The following HTR1F variants were observed in gnomAD, a reference collection of about 807,000 sequenced individuals.
HTR1F encodes 5-hydroxytryptamine (serotonin) receptor 1F, G protein-coupled.
In HTR1F, 17 loss-of-function variants were observed where a neutral mutation model predicts 24.0. That is an observed-to-expected ratio of 0.71 (90% CI 0.48 to 1.06). The LOEUF (loss-of-function observed/expected upper bound fraction) is 1.06, where lower values mean the gene tolerates loss of function less well. Ranked by LOEUF, HTR1F falls within the 50% of genes least tolerant of loss-of-function variation. The pLI is 0.00. For missense variants in HTR1F, 391 were observed against 427.8 expected (o/e 0.91, Z 0.76); for synonymous variants, 186 against 156.8 (o/e 1.19, Z -1.39).
chr3:87,882,464 C>T (rs1705826050), intron 2 of HTR1F, among the ~76,000 whole-genome samples: 1 of 151,672 alleles, frequency 6.6e-6, no homozygotes, highest in Admixed American at 6.6e-5. Flanking sequence ...ACCCAAATGT[C>T]CAACAATGAT....
At chr3:87,794,395 T>C (rs188758793) in intron 1 of HTR1F, among the ~76,000 whole-genome samples, 49 of 152,320 alleles carry the variant, frequency 3.2e-4, no homozygotes, top group African/African-American at 1.2e-3. Flanking sequence ...GAGTATGTAT[T>C]CACTGTTTCC....
chr3:87,979,756 G>A (rs938261667), intron 2 of HTR1F, among the ~76,000 whole-genome samples: 2 of 152,226 alleles, frequency 1.3e-5, no homozygotes, highest in African/African-American at 2.4e-5. Context: ...GGGTGCATGA[G>A]CAAGTGAGCA....
At chr3:87,794,390 T>C (rs1703869583) in intron 1 of HTR1F, among the ~76,000 whole-genome samples, 1 of 152,232 alleles carries the variant, frequency 6.6e-6, no homozygotes, top group African/African-American at 2.4e-5. Flanking sequence ...AATGAGAGTA[T>C]GTATTCACTG....
intron 2 of HTR1F, among the ~76,000 whole-genome samples, chr3:87,893,971 A>G (rs1410759957): frequency 2.7e-5 from 4 of 150,270 alleles, no homozygotes; most frequent in Non-Finnish European, 5.9e-5. Flanking sequence ...TTGTTTACTC[A>G]TTTTTTTTCC....
At chr3:87,798,788 T>G (rs1177575340) in intron 1 of HTR1F, among the ~76,000 whole-genome samples, 1 of 152,204 alleles carries the variant, frequency 6.6e-6, no homozygotes, top group Non-Finnish European at 1.5e-5. Context: ...TGGACAAAGC[T>G]AACCATTAAT....
intron 2 of HTR1F, among the ~76,000 whole-genome samples, chr3:87,881,778 A>T (rs2107282186): frequency 6.6e-6 from 1 of 152,286 alleles, no homozygotes; most frequent in East Asian, 1.9e-4. Context: ...CCTAGGCAAT[A>T]CCATTCAGGA....
intron 2 of HTR1F, among the ~76,000 whole-genome samples, chr3:87,869,371 G>GGATA (rs1705495943): frequency 7.2e-6 from 1 of 139,562 alleles, no homozygotes; most frequent in African/African-American, 3.0e-5. Flanking sequence ...AGAACCAATA[G>GGATA]GATAGATAGA....
At chr3:87,906,520 AT>A (rs141559991) in intron 2 of HTR1F, among the ~76,000 whole-genome samples, 136 of 150,630 alleles carry the variant, frequency 9.0e-4, no homozygotes, top group South Asian at 3.4e-3. Flanking sequence ...GTTAATGAAA[AT>A]TTTTTTTTTA....
At position 87,991,313 on chromosome 3, in the gene HTR1F, A is replaced by G; in HGVS notation, c.564A>G (p.Gly188=). ...TTTCCACCATTTACTCAACATTTGG[A>G]GCTTTCTACATCCCACTGGCATTGA... The part of the protein sequence containing the change: ...HIVSTIYSTF[G]AFYIPLALIL... Residue 188 remains glycine, a synonymous_variant, in exon 3 of 3, where the codon GGA becomes GGG. Coordinates refer to ENST00000319595, the MANE Select transcript of HTR1F (RefSeq NM_001322209.2). 6.2e-7 allele frequency: 1 copy of G among 1,614,018 alleles called. No individual in the cohort carries two copies.
rs1465047910 is a variant in HTR1F, at chr3:87,991,819, C to G, written c.1070C>G (p.Ala357Gly). Residue 357 changes from alanine (A) to glycine (G), a missense_variant, in exon 3 of 3, where the codon GCA (alanine) becomes GGA (glycine). Transcript: ENST00000319595. ...YTIFNEDFKK[A>G]FQKLVRCRC ...ATCTTTAATGAAGACTTCAAGAAAG[C>G]ATTCCAAAAGCTTGTGCGATGTCGA... 1 of 1,586,556 alleles carries G rather than the reference C, an allele frequency of 6.3e-7. No individual in the cohort carries two copies. The highest frequency in any genetic ancestry group is 8.6e-7 in the Non-Finnish European group (1 of 1,167,328).
intron 2 of HTR1F, among the ~76,000 whole-genome samples, chr3:87,978,676 A>G (rs1316131536): frequency 6.6e-6 from 1 of 151,812 alleles, no homozygotes; most frequent in African/African-American, 2.4e-5. Flanking sequence ...AGGTCATCCC[A>G]ATGTCTCTGT....
intron 2 of HTR1F, among the ~76,000 whole-genome samples, chr3:87,928,716 G>C (rs1704188083): frequency 6.6e-6 from 1 of 152,100 alleles, no homozygotes; most frequent in Admixed American, 6.6e-5. Flanking sequence ...GTATCCATTT[G>C]TCTTTTATTA....
At chr3:87,918,079 A>C (rs1280726030) in intron 2 of HTR1F, among the ~76,000 whole-genome samples, 4 of 152,124 alleles carry the variant, frequency 2.6e-5, no homozygotes, top group Admixed American at 2.6e-4. Flanking sequence ...CAAGTCAATA[A>C]ATATGATATA....
intron 2 of HTR1F, among the ~76,000 whole-genome samples, chr3:87,951,494 G>T (rs1239778095): frequency 6.6e-6 from 1 of 151,872 alleles, no homozygotes; most frequent in Non-Finnish European, 1.5e-5. Flanking sequence ...TGTTTTAATA[G>T]ACTTTATTTT....
intron 2 of HTR1F, among the ~76,000 whole-genome samples, chr3:87,904,158 A>T (rs1703604126): frequency 6.6e-6 from 1 of 152,194 alleles, no homozygotes. Flanking sequence ...AGACAAGTTA[A>T]AACCACAATG....
intron 2 of HTR1F, among the ~76,000 whole-genome samples, chr3:87,940,832 C>A (rs751592148): frequency 2.0e-5 from 3 of 152,200 alleles, no homozygotes; most frequent in Non-Finnish European, 4.4e-5. Flanking sequence ...TCATGGTTGT[C>A]TGACAGCCAC....
chr3:87,854,882 A>C (rs1458485932), intron 2 of HTR1F, among the ~76,000 whole-genome samples: 1 of 151,870 alleles, frequency 6.6e-6, no homozygotes, highest in Non-Finnish European at 1.5e-5. Flanking sequence ...TCATTCTAGA[A>C]ATGTTATTGT....
At chr3:87,844,850 G>T (rs1426931659) in intron 2 of HTR1F, among the ~76,000 whole-genome samples, 1 of 149,776 alleles carries the variant, frequency 6.7e-6, no homozygotes, top group Non-Finnish European at 1.5e-5. Flanking sequence ...GATATGCGGC[G>T]TTATTTCTGA....
At chr3:87,955,682 T>A (rs1467145865) in intron 2 of HTR1F, among the ~76,000 whole-genome samples, 1 of 151,494 alleles carries the variant, frequency 6.6e-6, no homozygotes, top group Non-Finnish European at 1.5e-5. Flanking sequence ...AGATTCTGTA[T>A]GCTCCATATT....
Sources: allele counts gnomAD v4.1 joint callset (sites outside exome capture counted in the v4.1 genomes callset), GRCh38; gene constraint gnomAD v4.1.1; transcripts MANE v1.5; gene names NCBI Gene and HGNC (gene_info 2026-07-23, HGNC 2026-07-21).